NR2F1-AS1: variants seen among roughly 807,000 people sequenced by gnomAD.
The protein encoded by NR2F1-AS1 is NR2F1 regulatory antisense RNA 1.
intron 4 of NR2F1-AS1, among the ~76,000 whole-genome samples, chr5:93,440,218 T>A (rs62369925): frequency 0.11 from 15,965 of 148,652 alleles, 941 homozygotes; most frequent in Middle Eastern, 0.16. Flanking sequence ...TCTCTCTCTC[T>A]CACACACACA....
At chr5:93,443,665 A>G (rs1020584183) in intron 4 of NR2F1-AS1, among the ~76,000 whole-genome samples, 2 of 152,192 alleles carry the variant, frequency 1.3e-5, no homozygotes, top group Non-Finnish European at 2.9e-5. Flanking sequence ...ATCTAGAAAG[A>G]CAGGCCAATA....
intron 4 of NR2F1-AS1, among the ~76,000 whole-genome samples, chr5:93,487,909 A>G (rs892696094): frequency 1.3e-5 from 2 of 152,202 alleles, no homozygotes; most frequent in African/African-American, 4.8e-5. Context: ...GACCAATGGA[A>G]CAGAACAGAG....
At chr5:93,560,957 T>C (rs986163541) in intron 2 of NR2F1-AS1, among the ~76,000 whole-genome samples, 1 of 152,218 alleles carries the variant, frequency 6.6e-6, no homozygotes, top group Admixed American at 6.5e-5. Context: ...TGGTGGTATT[T>C]TTGTTAACCT....
At chr5:93,444,113 C>T (rs1010779085) in intron 4 of NR2F1-AS1, among the ~76,000 whole-genome samples, 1 of 152,148 alleles carries the variant, frequency 6.6e-6, no homozygotes, top group African/African-American at 2.4e-5. Context: ...ATTGTAAAGA[C>T]CATCAATGCT....
chr5:93,573,061 T>G (rs1580346125), intron 1 of NR2F1-AS1, among the ~76,000 whole-genome samples: 1 of 152,180 alleles, frequency 6.6e-6, no homozygotes, highest in East Asian at 1.9e-4. Flanking sequence ...TCAAGCGCCA[T>G]GCACGTCAAG....
chr5:93,528,255 C>A (rs993044128), intron 4 of NR2F1-AS1, among the ~76,000 whole-genome samples: 3 of 152,194 alleles, frequency 2.0e-5, no homozygotes, highest in Non-Finnish European at 4.4e-5. Flanking sequence ...AAAAAAAGCT[C>A]ATCATCACTG....
At chr5:93,539,005 G>A (rs754373000) in intron 4 of NR2F1-AS1, among the ~76,000 whole-genome samples, 5 of 152,202 alleles carry the variant, frequency 3.3e-5, no homozygotes, top group African/African-American at 7.2e-5. Flanking sequence ...TGGGCCAGGC[G>A]TAGTGGTTCA....
intron 4 of NR2F1-AS1, among the ~76,000 whole-genome samples, chr5:93,501,319 TTTGTTGTTG>T (rs138163412): frequency 4.2e-5 from 6 of 141,466 alleles, no homozygotes; most frequent in East Asian, 2.1e-4. Flanking sequence ...TAGTAAGGTT[TTTGTTGTTG>T]TTGTTGTTGT....
chr5:93,453,740 G>A lies in NR2F1-AS1; in HGVS notation n.639-58198C>T, dbSNP rs537800347. Among the ~76,000 whole-genome samples, 35 of 151,980 alleles carry A rather than the reference G, an allele frequency of 2.3e-4. No homozygotes were observed. In the East Asian group the frequency reaches 5.0e-3, roughly 22 times the overall value. ...ACAAAAAACAAATAAAAAAACACAC[G>A]TTCTATACAGGAAAAAATATATCTT... On this transcript the variant is annotated intron_variant and non_coding_transcript_variant, in intron 4 of 5. Coordinates refer to ENST00000660523, the Ensembl canonical transcript of NR2F1-AS1.
chr5:93,469,514 A>G (rs1032765640), intron 4 of NR2F1-AS1, among the ~76,000 whole-genome samples: 4 of 152,098 alleles, frequency 2.6e-5, no homozygotes, highest in African/African-American at 9.7e-5. Flanking sequence ...GGAAAAACCA[A>G]CTAAAGCTCA....
intron 4 of NR2F1-AS1, among the ~76,000 whole-genome samples, chr5:93,539,187 A>C (rs1424113662): frequency 6.6e-6 from 1 of 152,168 alleles, no homozygotes; most frequent in Non-Finnish European, 1.5e-5. Context: ...CTGAGGTAGG[A>C]GAATCGCTTG....
chr5:93,546,035 G>T (rs1752077471), intron 4 of NR2F1-AS1, among the ~76,000 whole-genome samples: 1 of 152,188 alleles, frequency 6.6e-6, no homozygotes, highest in Non-Finnish European at 1.5e-5. Flanking sequence ...GACTGAGTTT[G>T]AGTTCCTGCT....
chr5:93,582,121 C>G (rs568550009), upstream of NR2F1-AS1, among the ~76,000 whole-genome samples: 1 of 128,690 alleles, frequency 7.8e-6, no homozygotes, highest in South Asian at 2.7e-4. Context: ...CTCTCCGCCT[C>G]CCCCCCTCTC....
intron 4 of NR2F1-AS1, among the ~76,000 whole-genome samples, chr5:93,503,308 C>T (rs1229701037): frequency 6.6e-6 from 1 of 151,948 alleles, no homozygotes; most frequent in Non-Finnish European, 1.5e-5. Context: ...AAACTGTTTC[C>T]CAGTAACCAT....
intron 4 of NR2F1-AS1, among the ~76,000 whole-genome samples, chr5:93,450,914 C>CAA (rs60895927): frequency 0.011 from 609 of 53,948 alleles, 29 homozygotes; most frequent in Middle Eastern, 0.022. Flanking sequence ...GAATCTGCTT[C>CAA]AAAAAAAAAA....
intron 2 of NR2F1-AS1, among the ~76,000 whole-genome samples, chr5:93,562,353 G>A (rs992290966): frequency 1.3e-5 from 2 of 152,044 alleles, no homozygotes; most frequent in Non-Finnish European, 2.9e-5. Context: ...GTGCAGTGGC[G>A]CAATCTCAGC....
chr5:93,500,566 T>G (rs1561470561), intron 4 of NR2F1-AS1, among the ~76,000 whole-genome samples: 1 of 152,182 alleles, frequency 6.6e-6, no homozygotes, highest in Non-Finnish European at 1.5e-5. Context: ...ATTCACATTG[T>G]TTTCTTGACT....
intron 4 of NR2F1-AS1, among the ~76,000 whole-genome samples, chr5:93,545,609 A>T (rs1304506359): frequency 6.6e-6 from 1 of 152,200 alleles, no homozygotes; most frequent in Non-Finnish European, 1.5e-5. Context: ...CCTCTTAGGC[A>T]AATTGCTCTT....
chr5:93,431,849 G>A (rs1749332673), intron 4 of NR2F1-AS1, among the ~76,000 whole-genome samples: 1 of 152,096 alleles, frequency 6.6e-6, no homozygotes, highest in African/African-American at 2.4e-5. Flanking sequence ...CACTGTAAAT[G>A]AGTTTGATTA....
Sources: allele counts gnomAD v4.1 joint callset (sites outside exome capture counted in the v4.1 genomes callset), GRCh38; gene constraint gnomAD v4.1.1; transcripts MANE v1.5; gene names NCBI Gene and HGNC (gene_info 2026-07-23, HGNC 2026-07-21).